CTCF: variants seen among roughly 807,000 people sequenced by gnomAD.
CTCF encodes the protein CCCTC-binding factor.
Under a neutral mutation model 72.3 loss-of-function variants are expected in CTCF, and 7 were observed. That is an observed-to-expected ratio of 0.10 (90% CI 0.06 to 0.18). CTCF has a LOEUF of 0.18. CTCF is among the 10% of genes least tolerant of loss of function. CTCF has a pLI of 1.00. For missense variants in CTCF, 516 were observed against 949.1 expected (o/e 0.54, Z 6.00); for synonymous variants, 374 against 315.8 (o/e 1.18, Z -1.95).
chr16:67,629,349 A>T (rs914586473), intron 9 of CTCF, 49 bp from the exon 10 acceptor site: 8 of 1,550,184 alleles, frequency 5.2e-6, no homozygotes, highest in Non-Finnish European at 7.0e-6. Context: ...TTCCAATCTG[A>T]TCTTAGCTTT....
chr16:67,603,601 G>A (rs1405711300), intron 2 of CTCF, among the ~76,000 whole-genome samples: 1 of 151,844 alleles, frequency 6.6e-6, no homozygotes, highest in Admixed American at 6.6e-5. Context: ...AAGGCGGGCG[G>A]ATCAGGAGGT....
At chr16:67,621,040 A>G (rs1335924084) in intron 6 of CTCF, 3 of 401,012 alleles carry the variant, frequency 7.5e-6, no homozygotes, top group Non-Finnish European at 1.3e-5. Context: ...TCTGCCTACA[A>G]CAAGAAAAAT....
chr16:67,585,414 G>C (rs939066483), intron 2 of CTCF, among the ~76,000 whole-genome samples: 2 of 152,182 alleles, frequency 1.3e-5, no homozygotes, highest in African/African-American at 4.8e-5. Context: ...CTTTAAAAAA[G>C]TTTGCCCACA....
chr16:67,596,472 G>A (rs2142777666), intron 2 of CTCF, among the ~76,000 whole-genome samples: 1 of 152,076 alleles, frequency 6.6e-6, no homozygotes, highest in East Asian at 1.9e-4. Context: ...ATGATAAAGA[G>A]GTTAATCCAT....
chr16:67,591,903 A>G (rs969186146), intron 2 of CTCF, among the ~76,000 whole-genome samples: 1 of 151,970 alleles, frequency 6.6e-6, no homozygotes, highest in Non-Finnish European at 1.5e-5. Context: ...AATGGAGACA[A>G]GGTCTCACTA....
chr16:67,607,247 A>C (rs1296185502), intron 2 of CTCF, among the ~76,000 whole-genome samples: 1 of 150,788 alleles, frequency 6.6e-6, no homozygotes, highest in African/African-American at 2.4e-5. Context: ...CTGAGCCACC[A>C]CGCCTGGCCC....
At chr16:67,633,808 A>T (rs1275784646) in intron 10 of CTCF, among the ~76,000 whole-genome samples, 1 of 151,748 alleles carries the variant, frequency 6.6e-6, no homozygotes, top group Non-Finnish European at 1.5e-5. Context: ...ACACACACAC[A>T]CACACACTCT....
At chr16:67,596,151 A>C (rs796949656) in intron 2 of CTCF, among the ~76,000 whole-genome samples, 44 of 152,134 alleles carry the variant, frequency 2.9e-4, no homozygotes, top group African/African-American at 8.9e-4. Context: ...ACGGAGATTC[A>C]CCATGTTGGT....
rs994255727 is a variant in CTCF at position 67,568,844 on chromosome 16, CT to C, written c.-126-2293del. 1.3e-3 allele frequency among the ~76,000 whole-genome samples: 178 copies of C among 134,678 alleles called. 1 individual carries two copies. Among genetic ancestry groups the C allele is most frequent in the Non-Finnish European group, 1.8e-3 (118 of 65,220 alleles). The allele number at this position is 134,678 out of a possible 152,430, so 88.4% of individuals were successfully genotyped here. A position where few individuals can be genotyped will look rare whatever the true frequency, so the allele number is the denominator to read the frequency against. ...CACCTGGCTATATTATTTGGAAACTCTTTTTTTTTTTGAGACTGAGTCTTGC... is the reference window on the plus strand; with the variant it reads ...CACCTGGCTATATTATTTGGAAACTCTTTTTTTTTTGAGACTGAGTCTTGC... On this transcript the variant is annotated intron_variant, in intron 1 of 11. Coordinates refer to ENST00000264010, the MANE Select transcript of CTCF (RefSeq NM_006565.4).
At chr16:67,585,396 G>C (rs1371240251) in intron 2 of CTCF, among the ~76,000 whole-genome samples, 1 of 152,182 alleles carries the variant, frequency 6.6e-6, no homozygotes, top group Non-Finnish European at 1.5e-5. Context: ...GAGCAGTAAT[G>C]TTACCAACTT....
chr16:67,601,092 C>G (rs2051879749), intron 2 of CTCF, among the ~76,000 whole-genome samples: 1 of 151,982 alleles, frequency 6.6e-6, no homozygotes, highest in African/African-American at 2.4e-5. Flanking sequence ...GAAGCGCAGT[C>G]CCCAGGGAGT....
chr16:67,618,087 C>T (rs576855787), intron 5 of CTCF, among the ~76,000 whole-genome samples: 2 of 152,078 alleles, frequency 1.3e-5, no homozygotes, highest in Admixed American at 6.6e-5. Context: ...TAGCAAGTTA[C>T]GTATAGGAGA....
intron 5 of CTCF, among the ~76,000 whole-genome samples, chr16:67,619,116 A>C (rs1022669109): frequency 6.6e-6 from 1 of 152,196 alleles, no homozygotes; most frequent in African/African-American, 2.4e-5. Context: ...TTATCGACTT[A>C]TGTGTGTGAA....
At chr16:67,583,569 C>G (rs1464971039) in intron 2 of CTCF, among the ~76,000 whole-genome samples, 1 of 151,932 alleles carries the variant, frequency 6.6e-6, no homozygotes, top group Non-Finnish European at 1.5e-5. Flanking sequence ...TGCCTATAAT[C>G]TCAGCCACTC....
chr16:67,607,873 G>T (rs1567607023), intron 2 of CTCF, among the ~76,000 whole-genome samples: 1 of 151,330 alleles, frequency 6.6e-6, no homozygotes, highest in Non-Finnish European at 1.5e-5. Context: ...CAGAAAATTA[G>T]CCAGGTGTGG....
intron 2 of CTCF, among the ~76,000 whole-genome samples, chr16:67,605,374 C>G (rs986696294): frequency 6.6e-6 from 1 of 152,176 alleles, no homozygotes; most frequent in African/African-American, 2.4e-5. Context: ...CCACCTTCTG[C>G]GGTAACATTT....
chr16:67,572,002 C>T (rs1567590588), intron 2 of CTCF, among the ~76,000 whole-genome samples: 1 of 151,700 alleles, frequency 6.6e-6, no homozygotes, highest in South Asian at 2.1e-4. Context: ...TTTTTCAGAC[C>T]CTAGAAAAAT....
intron 7 of CTCF, among the ~76,000 whole-genome samples, chr16:67,625,021 T>C (rs1447364344): frequency 6.6e-6 from 1 of 152,066 alleles, no homozygotes; most frequent in Non-Finnish European, 1.5e-5. Flanking sequence ...ACTTCCCTGG[T>C]TTAAATGATT....
chr16:67,626,479 G>A (rs897829439), intron 7 of CTCF, 76 bp from the exon 8 acceptor site: 8 of 707,158 alleles, frequency 1.1e-5, no homozygotes, highest in Admixed American at 3.3e-5. Flanking sequence ...AAAAAGAATC[G>A]AGAAATGTAT....
Sources: gnomAD v4.1 joint callset for allele counts (sites outside exome capture counted in the v4.1 genomes callset) on GRCh38, gnomAD v4.1.1 for gene constraint, MANE v1.5 for transcripts, NCBI Gene and HGNC (gene_info 2026-07-23, HGNC 2026-07-21) for gene names.